EPC2: variants seen among roughly 807,000 people sequenced by gnomAD.
EPC2 encodes the protein enhancer of polycomb 2.
Under a neutral mutation model 92.1 loss-of-function variants are expected in EPC2, and 14 were observed. The ratio of observed to expected loss-of-function variants is 0.15; its 90% confidence interval spans 0.10 to 0.24. The LOEUF (loss-of-function observed/expected upper bound fraction) is 0.24. Among genes scored for constraint, EPC2 ranks in the 10% least tolerant of loss-of-function variants. The pLI, the probability that EPC2 is intolerant of heterozygous loss-of-function variation, is 1.00. For missense variants in EPC2, 755 were observed against 971.5 expected (o/e 0.78, Z 2.96); for synonymous variants, 340 against 334.7 (o/e 1.02, Z -0.17).
At chr2:148,713,590 A>AC (rs1220486188) in intron 2 of EPC2, among the ~76,000 whole-genome samples, 1 of 152,124 alleles carries the variant, frequency 6.6e-6, no homozygotes, top group Non-Finnish European at 1.5e-5. Flanking sequence ...GCATTCAGTC[A>AC]CCCCTCAACT....
chr2:148,714,500 A>G (rs1315940961), intron 2 of EPC2, among the ~76,000 whole-genome samples: 1 of 152,138 alleles, frequency 6.6e-6, no homozygotes, highest in Non-Finnish European at 1.5e-5. Flanking sequence ...TGTCTTCCAC[A>G]ATGGTTGAAC....
intron 2 of EPC2, among the ~76,000 whole-genome samples, chr2:148,730,373 CT>C (rs1682592171): frequency 6.6e-6 from 1 of 152,138 alleles, no homozygotes; most frequent in South Asian, 2.1e-4. Flanking sequence ...GCCTGAGAAC[CT>C]TAAAGGTTTA....
chr2:148,742,546 A>G (rs770044916), intron 2 of EPC2, among the ~76,000 whole-genome samples: 9 of 152,082 alleles, frequency 5.9e-5, no homozygotes, highest in Non-Finnish European at 1.3e-4. Flanking sequence ...TGAGCCCAGG[A>G]GTTGCAGACA....
intron 1 of EPC2, among the ~76,000 whole-genome samples, chr2:148,670,879 CA>C (rs1681141124): frequency 6.6e-6 from 1 of 152,028 alleles, no homozygotes; most frequent in Non-Finnish European, 1.5e-5. Context: ...GGAGACTAGA[CA>C]TCAGTATGTT....
At chr2:148,767,101 G>A (rs1246781678) in intron 7 of EPC2, among the ~76,000 whole-genome samples, 1 of 151,936 alleles carries the variant, frequency 6.6e-6, no homozygotes, top group African/African-American at 2.4e-5. Flanking sequence ...CGGAGGCTGA[G>A]GCGGGAGGAT....
At chr2:148,660,099 T>G (rs911659274) in intron 1 of EPC2, among the ~76,000 whole-genome samples, 1 of 152,152 alleles carries the variant, frequency 6.6e-6, no homozygotes, top group Non-Finnish European at 1.5e-5. Context: ...TCCACATCTC[T>G]GAGATATCTC....
chr2:148,739,563 A>G (rs1558825602), intron 2 of EPC2, among the ~76,000 whole-genome samples: 1 of 152,184 alleles, frequency 6.6e-6, no homozygotes, highest in African/African-American at 2.4e-5. Context: ...CTAACTATAT[A>G]TATTTTGTAA....
intron 10 of EPC2, among the ~76,000 whole-genome samples, chr2:148,771,970 T>TG (rs1013065894): frequency 2.0e-5 from 3 of 152,126 alleles, no homozygotes; most frequent in African/African-American, 7.2e-5. Flanking sequence ...AGCTAATTTT[T>TG]GTATTTTTAG....
intron 10 of EPC2, among the ~76,000 whole-genome samples, chr2:148,774,624 T>TATATATATATATATATATATATA (rs935978031): frequency 3.4e-4 from 45 of 132,576 alleles, no homozygotes; most frequent in African/African-American, 1.2e-3. Flanking sequence ...AAAATATATT[T>TATATATATATATATATATATATA]TATATATATA....
At chr2:148,696,756 C>T (rs1681754400) in intron 2 of EPC2, among the ~76,000 whole-genome samples, 1 of 152,120 alleles carries the variant, frequency 6.6e-6, no homozygotes, top group South Asian at 2.1e-4. Flanking sequence ...CTAATATCTC[C>T]ATAAATGATT....
intron 1 of EPC2, among the ~76,000 whole-genome samples, chr2:148,680,173 T>C (rs746383739): frequency 5.3e-5 from 8 of 152,176 alleles, no homozygotes; most frequent in Non-Finnish European, 7.4e-5. Flanking sequence ...ATTTCTTCTT[T>C]TGCCCTGCTA....
At chr2:148,723,955 A>C (rs903252008) in intron 2 of EPC2, among the ~76,000 whole-genome samples, 1 of 152,082 alleles carries the variant, frequency 6.6e-6, no homozygotes, top group Admixed American at 6.6e-5. Context: ...TGTTTTAAAA[A>C]TGTCTTCAGT....
chr2:148,772,231 G>C (rs1038396704), intron 10 of EPC2, among the ~76,000 whole-genome samples: 1 of 152,070 alleles, frequency 6.6e-6, no homozygotes, highest in African/African-American at 2.4e-5. Flanking sequence ...ATAATATCTA[G>C]AGAATCTAGG....
chr2:148,694,556 A>G (rs1340772772), intron 2 of EPC2, among the ~76,000 whole-genome samples: 1 of 152,216 alleles, frequency 6.6e-6, no homozygotes, highest in Non-Finnish European at 1.5e-5. Context: ...TCCTCAACCC[A>G]AATGTTATAA....
intron 6 of EPC2, among the ~76,000 whole-genome samples, chr2:148,764,527 A>T (rs931660222): frequency 6.6e-6 from 1 of 152,216 alleles, no homozygotes; most frequent in Admixed American, 6.5e-5. Context: ...CATCCATAGA[A>T]CAGACATTTT....
intron 10 of EPC2, among the ~76,000 whole-genome samples, chr2:148,775,360 C>A (rs1683611244): frequency 6.6e-6 from 1 of 151,812 alleles, no homozygotes; most frequent in Admixed American, 6.6e-5. Context: ...TTTGAAATTA[C>A]AGTATTATTT....
At chr2:148,748,667 A>T (rs1683031042) in intron 3 of EPC2, among the ~76,000 whole-genome samples, 1 of 152,160 alleles carries the variant, frequency 6.6e-6, no homozygotes, top group South Asian at 2.1e-4. Flanking sequence ...TTTCATATAT[A>T]CTTTATACAC....
chr2:148,756,345 T>C (rs1291987224), intron 4 of EPC2, among the ~76,000 whole-genome samples: 2 of 152,210 alleles, frequency 1.3e-5, no homozygotes, highest in Non-Finnish European at 2.9e-5. Flanking sequence ...TAGAAATGTT[T>C]ATGTGATTTG....
intron 10 of EPC2, among the ~76,000 whole-genome samples, chr2:148,776,137 G>GAT (rs10693577): frequency 0.96 from 146,682 of 152,116 alleles, 70,943 homozygotes; most frequent in Middle Eastern, 1. Context: ...AGAAATTCCT[G>GAT]TTTTAATTTC....
Sources: gnomAD v4.1 joint callset for allele counts (sites outside exome capture counted in the v4.1 genomes callset) on GRCh38, gnomAD v4.1.1 for gene constraint, MANE v1.5 for transcripts, NCBI Gene and HGNC (gene_info 2026-07-23, HGNC 2026-07-21) for gene names.